Variants in ITPR1 observed in about 807,000 individuals in gnomAD.
ITPR1 encodes the protein inositol 1,4,5-trisphosphate receptor type 1.
In ITPR1, 96 loss-of-function variants were observed where a neutral mutation model predicts 318.4. That is an observed-to-expected ratio of 0.30 (90% CI 0.26 to 0.36). The LOEUF (loss-of-function observed/expected upper bound fraction) is 0.36. ITPR1 is among the 10% of genes least tolerant of loss of function. ITPR1 has a pLI of 1.00. For missense variants in ITPR1, 2,440 were observed against 3,460.2 expected, an observed-to-expected ratio of 0.71 and a Z score of 7.40; for synonymous variants, 1,312 against 1,289.9, an observed-to-expected ratio of 1.02 and a Z score of -0.37.
chr3:4,680,703 A>G lies in ITPR1; in HGVS notation c.3106+12A>G. 1 of 1,601,860 alleles carries G rather than the reference A, an allele frequency of 6.2e-7. No individual in the cohort carries two copies. The highest frequency in any genetic ancestry group is 8.5e-7 in the Non-Finnish European group (1 of 1,173,552). On this transcript the variant is annotated intron_variant, in intron 25 of 61. Coordinates refer to ENST00000649015, the MANE Select transcript of ITPR1 (RefSeq NM_001378452.1). ...AAGTAATGTACCAGGTTAGTGATTC[A>G]GAATGGAATTTCAGCCATAGAATGG...
intron 60 of ITPR1, among the ~76,000 whole-genome samples, chr3:4,832,710 C>T (rs2050603475): frequency 6.6e-6 from 1 of 152,008 alleles, no homozygotes. Context: ...AATCATTTAC[C>T]ATTGATTAAA....
intron 24 of ITPR1, among the ~76,000 whole-genome samples, chr3:4,677,257 G>A (rs148220166): frequency 1.3e-5 from 2 of 152,192 alleles, no homozygotes; most frequent in Non-Finnish European, 2.9e-5. Flanking sequence ...GGAGGGTCCA[G>A]CAATGAAAAA....
At chr3:4,669,420 T>C (rs1487123789) in intron 18 of ITPR1, among the ~76,000 whole-genome samples, 3 of 152,158 alleles carry the variant, frequency 2.0e-5, no homozygotes, top group African/African-American at 4.8e-5. Flanking sequence ...CATCTTTGCC[T>C]CATCACCTCT....
chr3:4,504,049 G>C (rs114550565), intron 2 of ITPR1, among the ~76,000 whole-genome samples: 3 of 151,902 alleles, frequency 2.0e-5, no homozygotes, highest in African/African-American at 7.3e-5. Context: ...TTTTCTACCC[G>C]TAAATTAAAG....
chr3:4,740,220 A>G (rs995115178), intron 44 of ITPR1, among the ~76,000 whole-genome samples: 1 of 152,126 alleles, frequency 6.6e-6, no homozygotes, highest in Non-Finnish European at 1.5e-5. Flanking sequence ...AGCACCTACC[A>G]TGGGTCAGCC....
At position 4,706,278 on chromosome 3, in the gene ITPR1, C is replaced by T. The variant is rs1452392211; in HGVS notation, c.4769C>T (p.Ala1590Val). The T allele has an allele frequency of 1.9e-6, 3 of 1,614,032 alleles. No individual in the cohort carries two copies. The highest frequency in any genetic ancestry group is 1.7e-5 in the Admixed American group (1 of 60,034). The change falls in exon 37 of 62, where the codon GCC (alanine) becomes GTC (valine). Residue 1590 changes from alanine (A) to valine (V), a missense_variant. Around this residue, in one of 23 missense-constraint regions of ITPR1, gnomAD observed 166 missense variants for 246.5 expected, o/e 0.67. Coordinates refer to ENST00000649015, the MANE Select transcript of ITPR1 (RefSeq NM_001378452.1). Reference protein sequence around the residue: ...QKTAMNWRLSARNAARRDSVL... With the variant: ...QKTAMNWRLSVRNAARRDSVL... ...ACAGCCATGAACTGGCGGCTCTCAGCCCGCAATGCCGCACGCAGGGACTCT... is the reference window on the plus strand; with the variant it reads ...ACAGCCATGAACTGGCGGCTCTCAGTCCGCAATGCCGCACGCAGGGACTCT...
chr3:4,842,945 G>A (rs1575448803), intron 61 of ITPR1, among the ~76,000 whole-genome samples: 1 of 152,238 alleles, frequency 6.6e-6, no homozygotes, highest in South Asian at 2.1e-4. Flanking sequence ...AAGTAGATAA[G>A]AAGAATTGAA....
chr3:4,574,071 G>C (rs1413027231), intron 4 of ITPR1, among the ~76,000 whole-genome samples: 2 of 152,200 alleles, frequency 1.3e-5, no homozygotes, highest in Non-Finnish European at 2.9e-5. Context: ...TGGCGCCTTA[G>C]GTGGAGGTGG....
intron 4 of ITPR1, among the ~76,000 whole-genome samples, chr3:4,546,569 A>G (rs1048377593): frequency 6.6e-6 from 1 of 152,150 alleles, no homozygotes; most frequent in African/African-American, 2.4e-5. Flanking sequence ...AGTCAGTAGC[A>G]AATGCATGCT....
At chr3:4,704,768 A>G (rs1250492016) in intron 36 of ITPR1, among the ~76,000 whole-genome samples, 3 of 151,958 alleles carry the variant, frequency 2.0e-5, no homozygotes, top group African/African-American at 4.8e-5. Flanking sequence ...ACGGTAAGAC[A>G]TGAAAACAGC....
At chr3:4,598,988 C>T (rs557797423) in intron 4 of ITPR1, among the ~76,000 whole-genome samples, 22 of 151,690 alleles carry the variant, frequency 1.5e-4, no homozygotes, top group Non-Finnish European at 2.9e-4. Context: ...GTCTATAGTG[C>T]ACAGGATCAT....
intron 2 of ITPR1, among the ~76,000 whole-genome samples, chr3:4,514,052 A>T (rs1278430192): frequency 6.6e-6 from 1 of 151,228 alleles, no homozygotes; most frequent in Non-Finnish European, 1.5e-5. Context: ...GTGCCACTGC[A>T]CTCCAGCTTG....
At chr3:4,743,633 G>A (rs747424362) in intron 44 of ITPR1, among the ~76,000 whole-genome samples, 33 of 152,170 alleles carry the variant, frequency 2.2e-4, no homozygotes, top group Non-Finnish European at 3.7e-4. Flanking sequence ...GAGACCCAGC[G>A]TGATTTTTCT....
At chr3:4,626,663 A>G (rs2092836709) in intron 4 of ITPR1, among the ~76,000 whole-genome samples, 1 of 152,206 alleles carries the variant, frequency 6.6e-6, no homozygotes, top group African/African-American at 2.4e-5. Context: ...GGCATGCTAA[A>G]TGGAAGCACA....
intron 4 of ITPR1, among the ~76,000 whole-genome samples, chr3:4,569,594 T>G (rs2087765537): frequency 6.6e-6 from 1 of 152,220 alleles, no homozygotes; most frequent in Non-Finnish European, 1.5e-5. Context: ...CCTTTTACTT[T>G]CTTTTTGTGT....
intron 59 of ITPR1, among the ~76,000 whole-genome samples, chr3:4,816,452 C>G (rs2049309370): frequency 6.6e-6 from 1 of 152,208 alleles, no homozygotes; most frequent in Non-Finnish European, 1.5e-5. Flanking sequence ...TAACTAGTAT[C>G]TCGGCTCACT....
intron 20 of ITPR1, among the ~76,000 whole-genome samples, chr3:4,672,488 C>T (rs1012702033): frequency 6.6e-6 from 1 of 152,186 alleles, no homozygotes; most frequent in South Asian, 2.1e-4. Flanking sequence ...CGTTATTTCA[C>T]ATTTCAAGTA....
intron 4 of ITPR1, among the ~76,000 whole-genome samples, chr3:4,621,888 A>G (rs886380576): frequency 6.6e-6 from 1 of 152,138 alleles, no homozygotes; most frequent in Non-Finnish European, 1.5e-5. Context: ...CCACAGTCCT[A>G]GAGTTGCCTT....
At chr3:4,842,221 C>T (rs1222176552) in intron 61 of ITPR1, among the ~76,000 whole-genome samples, 1 of 152,258 alleles carries the variant, frequency 6.6e-6, no homozygotes, top group Non-Finnish European at 1.5e-5. Context: ...TAAAGCTACA[C>T]TATTCTTTGC....
Sources: gnomAD v4.1 joint callset for allele counts (sites outside exome capture counted in the v4.1 genomes callset) on GRCh38, gnomAD v4.1.1 for gene constraint, gnomAD v4.1.1 regional missense constraint, MANE v1.5 for transcripts, NCBI Gene and HGNC (gene_info 2026-07-23, HGNC 2026-07-21) for gene names.